GATAD2A: variants seen among roughly 807,000 people sequenced by gnomAD.
GATAD2A encodes transcriptional repressor p66-alpha.
A neutral mutation model predicts 68.5 loss-of-function variants in GATAD2A; 12 were observed. The observed-to-expected ratio is 0.18, with a 90% CI of 0.11 to 0.28. GATAD2A has a LOEUF of 0.28. Ranked by LOEUF, GATAD2A falls within the 10% of genes least tolerant of loss-of-function variation. The probability of loss-of-function intolerance (pLI) is 1.00; values close to 1 mark genes in which losing one functional copy is unlikely to be tolerated. For missense variants in GATAD2A, 755 were observed against 868.5 expected, an observed-to-expected ratio of 0.87 and a Z score of 1.64; for synonymous variants, 410 against 375.3, an observed-to-expected ratio of 1.09 and a Z score of -1.07.
intron 1 of GATAD2A, among the ~76,000 whole-genome samples, chr19:19,434,322 C>T (rs914032242): frequency 9.2e-5 from 14 of 152,252 alleles, no homozygotes; most frequent in African/African-American, 2.2e-4. Context: ...ATAGTTAGGA[C>T]TAATGCTGCC....
At chr19:19,433,280 G>C (rs1013121346) in intron 1 of GATAD2A, among the ~76,000 whole-genome samples, 1 of 152,124 alleles carries the variant, frequency 6.6e-6, no homozygotes, top group African/African-American at 2.4e-5. Context: ...ATCCACATGC[G>C]TGCATCTATT....
upstream of GATAD2A, among the ~76,000 whole-genome samples, chr19:19,401,054 C>T (rs1599994472): frequency 2.0e-5 from 3 of 149,026 alleles, no homozygotes; most frequent in Admixed American, 1.4e-4. Flanking sequence ...GCACAAGAAT[C>T]GCTTGACGCC....
In GATAD2A at chr19:19,405,693, C is replaced by CGCGG. The variant is rs1177446156; in HGVS notation, c.-324_-321dup. ...GGTCGCCACGCCCCGCCCAGCCGGG[C>CGCGG]GCGGGCGGGCGGCGTCGCCTTTAAG... On this transcript the variant is annotated 5_prime_UTR_variant, in exon 1 of 12. Transcript: ENST00000683918. 1.3e-5 allele frequency: 2 copies of CGCGG among 150,328 alleles called. No individual in the cohort carries two copies. Among genetic ancestry groups the CGCGG allele is most frequent in the East Asian group, 3.9e-4 (2 of 5,178 alleles). 9.3% of individuals were successfully genotyped at this position (150,328 alleles called of 1,614,324 possible).
chr19:19,450,923 A>C (rs2056317351), intron 1 of GATAD2A, among the ~76,000 whole-genome samples: 1 of 151,298 alleles, frequency 6.6e-6, no homozygotes, highest in South Asian at 2.1e-4. Flanking sequence ...GGCGCCCGCC[A>C]CTATGCCCAG....
chr19:19,447,162 C>T (rs182664886), intron 1 of GATAD2A, among the ~76,000 whole-genome samples: 1 of 152,160 alleles, frequency 6.6e-6, no homozygotes, highest in Non-Finnish European at 1.5e-5. Context: ...GGATAGAGAC[C>T]CCCTGGGGGG....
At chr19:19,438,589 G>A (rs1364452251) in intron 1 of GATAD2A, among the ~76,000 whole-genome samples, 1 of 152,194 alleles carries the variant, frequency 6.6e-6, no homozygotes, top group Non-Finnish European at 1.5e-5. Context: ...AGAAGCACAT[G>A]GTCTGAGCAG....
intron 1 of GATAD2A, among the ~76,000 whole-genome samples, chr19:19,448,175 A>G (rs993948856): frequency 5.3e-5 from 8 of 152,354 alleles, no homozygotes; most frequent in Admixed American, 4.6e-4. Flanking sequence ...GCCAGCCCTC[A>G]CAGTGACGTC....
At chr19:19,459,693 T>C (rs1488586823) in intron 1 of GATAD2A, among the ~76,000 whole-genome samples, 2 of 152,210 alleles carry the variant, frequency 1.3e-5, no homozygotes, top group East Asian at 3.8e-4. Flanking sequence ...CATCCTCTCT[T>C]GGCCCACTGA....
In GATAD2A at chr19:19,457,097, A is replaced by G. The variant is rs1375709698; in HGVS notation, c.-6-8243A>G. On this transcript the variant is annotated intron_variant, in intron 1 of 11. Coordinates refer to ENST00000683918, the MANE Select transcript of GATAD2A (RefSeq NM_001384528.1). ...CAGTCCTTCAACTCAGAGCACTCCT[A>G]TCTGTGACACCTCTGCCCACGCATC... The G allele has an allele frequency of 6.1e-6, 6 of 985,298 alleles. 1 individual carries two copies. In the South Asian group the frequency reaches 1.4e-4, roughly 23 times the overall value. 61.0% of individuals were successfully genotyped at this position (985,298 alleles called of 1,614,324 possible).
intron 2 of GATAD2A, among the ~76,000 whole-genome samples, chr19:19,486,604 A>G (rs560449365): frequency 3.3e-5 from 5 of 152,180 alleles, no homozygotes; most frequent in South Asian, 2.1e-4. Flanking sequence ...CGAGGTGGGA[A>G]TGGGACCTGG....
intron 1 of GATAD2A, among the ~76,000 whole-genome samples, chr19:19,416,431 T>C (rs950745469): frequency 1.3e-5 from 2 of 152,190 alleles, no homozygotes; most frequent in African/African-American, 4.8e-5. Context: ...CCTTTCCTGA[T>C]GCTGGCACCA....
chr19:19,502,070 C>G (rs900865239), intron 10 of GATAD2A, 27 bp downstream of exon 10: 14 of 1,555,784 alleles, frequency 9.0e-6, no homozygotes, highest in South Asian at 3.3e-5. Context: ...GCGCCGGGAG[C>G]CTCGCGCCCC....
At position 19,388,057 on chromosome 19, in the gene GATAD2A, C is replaced by CTTTTTTTTTTTTTT. The variant is rs1568686046; in HGVS notation, c.-7+1919_-7+1920insTTTTTTTTTTTTTT. ...GGAGCACTCACATCAAGCTTCTCCT[C>CTTTTTTTTTTTTTT]CTTTTTTTTTTTTTTGGAGATGGAG... On this transcript the variant is annotated intron_variant, in intron 1 of 11. Transcript: ENST00000360315. Among the ~76,000 whole-genome samples the CTTTTTTTTTTTTTT allele has an allele frequency of 2.4e-5, 3 of 125,984 alleles. 1 individual carries two copies. Among genetic ancestry groups the CTTTTTTTTTTTTTT allele is most frequent in the Non-Finnish European group, 4.6e-5 (3 of 64,560 alleles). The allele number at this position is 125,984 out of a possible 152,430, so 82.7% of individuals were successfully genotyped here.
intron 1 of GATAD2A, among the ~76,000 whole-genome samples, chr19:19,455,658 C>T (rs537437562): frequency 6.6e-6 from 1 of 152,078 alleles, no homozygotes; most frequent in South Asian, 2.1e-4. Context: ...GAAGGATGTA[C>T]GTAGGTTGTA....
At chr19:19,462,006 T>C (rs1250429463) in intron 1 of GATAD2A, among the ~76,000 whole-genome samples, 1 of 152,240 alleles carries the variant, frequency 6.6e-6, no homozygotes, top group East Asian at 1.9e-4. Flanking sequence ...CCACCGGAGC[T>C]GCCTTCCCCT....
chr19:19,438,735 G>C (rs1191350299), intron 1 of GATAD2A, among the ~76,000 whole-genome samples: 3 of 152,204 alleles, frequency 2.0e-5, no homozygotes, highest in East Asian at 3.8e-4. Context: ...GGCCACCCCA[G>C]GTTTTCCTTT....
At chr19:19,425,791 T>C (rs2053006002) in intron 1 of GATAD2A, among the ~76,000 whole-genome samples, 1 of 150,804 alleles carries the variant, frequency 6.6e-6, no homozygotes, top group Non-Finnish European at 1.5e-5. Flanking sequence ...TTTTCTTTTC[T>C]TTTCTTTTTT....
At chr19:19,451,868 C>T (rs1336068820) in intron 1 of GATAD2A, among the ~76,000 whole-genome samples, 2 of 152,196 alleles carry the variant, frequency 1.3e-5, no homozygotes, top group Admixed American at 1.3e-4. Flanking sequence ...CTTTTAGAGA[C>T]AGGGTCTTGC....
At chr19:19,485,755 T>G (rs2059387316) in intron 2 of GATAD2A, among the ~76,000 whole-genome samples, 1 of 152,218 alleles carries the variant, frequency 6.6e-6, no homozygotes, top group Admixed American at 6.5e-5. Context: ...ACTGCAGAGA[T>G]GGGCCGGGGG....
Sources: gnomAD v4.1 joint callset for allele counts (sites outside exome capture counted in the v4.1 genomes callset) on GRCh38, gnomAD v4.1.1 for gene constraint, MANE v1.5 for transcripts, NCBI Gene and HGNC (gene_info 2026-07-23, HGNC 2026-07-21) for gene names.